SVIL: variants seen among roughly 807,000 people sequenced by gnomAD.
SVIL encodes archvillin.
In SVIL, 101 loss-of-function variants were observed where a neutral mutation model predicts 240.4. The ratio of observed to expected loss-of-function variants is 0.42; its 90% CI spans 0.36 to 0.50. The LOEUF is 0.50. Among genes scored for constraint, SVIL ranks in the 20% least tolerant of loss-of-function variants. SVIL has a pLI of 0.01. For missense variants in SVIL, 2,512 were observed against 2,818.7 expected, an observed-to-expected ratio of 0.89 and a Z score of 2.46; for synonymous variants, 999 against 1,100.0, an observed-to-expected ratio of 0.91 and a Z score of 1.82.
chr10:29,672,858 T>G (rs762043007), intron 2 of SVIL, among the ~76,000 whole-genome samples: 8 of 152,084 alleles, frequency 5.3e-5, no homozygotes, highest in African/African-American at 9.7e-5. Flanking sequence ...TTATTTATCT[T>G]TGTTTCTCCA....
intron 1 of SVIL, among the ~76,000 whole-genome samples, chr10:29,616,300 G>C (rs1296109877): frequency 1.3e-5 from 2 of 152,254 alleles, no homozygotes; most frequent in Non-Finnish European, 1.5e-5. Context: ...GCCTCCCAAA[G>C]TGTTAGGATC....
At chr10:29,710,783 A>G (rs1468914537) in intron 1 of SVIL, among the ~76,000 whole-genome samples, 1 of 152,228 alleles carries the variant, frequency 6.6e-6, no homozygotes, top group Non-Finnish European at 1.5e-5. Context: ...CGTAAGACTC[A>G]GAAAGTGAGC....
intron 36 of SVIL, 193 bp from the exon 37 acceptor site, chr10:29,458,782 T>A: frequency 2.4e-6 from 1 of 416,050 alleles, no homozygotes; most frequent in Non-Finnish European, 4.1e-6. Flanking sequence ...GGACTTTTAA[T>A]TTTTAAAATT....
intron 6 of SVIL, among the ~76,000 whole-genome samples, chr10:29,538,121 C>T (rs923533687): frequency 1.3e-5 from 2 of 152,168 alleles, no homozygotes; most frequent in Admixed American, 6.5e-5. Context: ...ACGAATCTGC[C>T]GCCTTCACAG....
intron 1 of SVIL, among the ~76,000 whole-genome samples, chr10:29,731,263 G>A: frequency 6.6e-6 from 1 of 152,164 alleles, no homozygotes; most frequent in East Asian, 1.9e-4. Context: ...AGGTTTCCCA[G>A]GCCTGTCACA....
At chr10:29,710,326 GGATTATAGGCGT>G (rs1375722606) in intron 1 of SVIL, among the ~76,000 whole-genome samples, 1 of 152,136 alleles carries the variant, frequency 6.6e-6, no homozygotes, top group Non-Finnish European at 1.5e-5. Flanking sequence ...CAAAGTGTCG[GGATTATAGGCGT>G]GAGCCACCAC....
rs565895379 is a variant in SVIL, at chr10:29,512,643, G to A, written c.3516+92C>T. 255 of 1,603,120 alleles carry A rather than the reference G, an allele frequency of 1.6e-4. No individual in the cohort carries two copies. The African/African-American group carries it at 2.3e-3, about 14-fold the overall frequency. On this transcript the variant is annotated intron_variant, in intron 17 of 37. Transcript: ENST00000355867. ...GGCAAAAATGCACAAATGCTTCACA[G>A]AGTAGGAATTAGGTGGCACACGCTT...
At chr10:29,481,771 A>G in intron 27 of SVIL, 43 bp from the exon 28 acceptor site, 3 of 1,595,440 alleles carry the variant, frequency 1.9e-6, no homozygotes, top group South Asian at 1.1e-5. Context: ...CAGGAAAAGA[A>G]CCAAGATGAA....
intron 3 of SVIL, among the ~76,000 whole-genome samples, chr10:29,643,168 C>G (rs1222731038): frequency 6.6e-6 from 1 of 152,222 alleles, no homozygotes; most frequent in Non-Finnish European, 1.5e-5. Flanking sequence ...CTGTCCATTT[C>G]TCACTCCTAT....
intron 27 of SVIL, among the ~76,000 whole-genome samples, chr10:29,481,990 T>C (rs1337220719): frequency 6.6e-6 from 1 of 151,548 alleles, no homozygotes; most frequent in Non-Finnish European, 1.5e-5. Context: ...GGACTAGACT[T>C]TTCTTACATT....
intron 1 of SVIL, among the ~76,000 whole-genome samples, chr10:29,733,705 C>T (rs1400900700): frequency 6.6e-6 from 1 of 152,208 alleles, no homozygotes; most frequent in Non-Finnish European, 1.5e-5. Context: ...CGAACCCAGC[C>T]ATTCTTCCCA....
chr10:29,462,035 AC>A (rs1944321048), intron 36 of SVIL, among the ~76,000 whole-genome samples: 1 of 152,194 alleles, frequency 6.6e-6, no homozygotes, highest in African/African-American at 2.4e-5. Context: ...GATTCAACTC[AC>A]CTTTGCTTTT....
intron 3 of SVIL, among the ~76,000 whole-genome samples, chr10:29,653,303 C>T (rs1359611107): frequency 2.0e-5 from 3 of 152,126 alleles, no homozygotes; most frequent in African/African-American, 7.2e-5. Flanking sequence ...TGTAGCACCT[C>T]CCCCTTCTCT....
chr10:29,687,200 C>A (rs1471850364), intron 1 of SVIL, among the ~76,000 whole-genome samples: 4 of 152,134 alleles, frequency 2.6e-5, no homozygotes, highest in Admixed American at 6.5e-5. Context: ...AAAGTCTATT[C>A]GATTCCGCAC....
At chr10:29,597,818 A>C (rs1437610150) in intron 1 of SVIL, among the ~76,000 whole-genome samples, 1 of 151,738 alleles carries the variant, frequency 6.6e-6, no homozygotes, top group Non-Finnish European at 1.5e-5. Flanking sequence ...GTTGCTGTGG[A>C]CCCTTACAGA....
chr10:29,526,036 T>G (rs1013814628), intron 13 of SVIL, among the ~76,000 whole-genome samples: 2 of 152,140 alleles, frequency 1.3e-5, no homozygotes, highest in African/African-American at 4.8e-5. Flanking sequence ...AACAGTAAAA[T>G]GAAGGGATAT....
chr10:29,649,576 T>C (rs984268939), intron 3 of SVIL, among the ~76,000 whole-genome samples: 2 of 152,090 alleles, frequency 1.3e-5, no homozygotes, highest in African/African-American at 4.8e-5. Flanking sequence ...CCATCTGTAT[T>C]CCATATAAGA....
chr10:29,623,696 A>C (rs947289572), intron 1 of SVIL, among the ~76,000 whole-genome samples: 3 of 152,212 alleles, frequency 2.0e-5, no homozygotes, highest in South Asian at 4.1e-4. Flanking sequence ...TAAAAATACA[A>C]AAAAAATTAG....
intron 3 of SVIL, among the ~76,000 whole-genome samples, chr10:29,649,168 A>C (rs986557710): frequency 6.6e-6 from 1 of 151,988 alleles, no homozygotes; most frequent in South Asian, 2.1e-4. Flanking sequence ...TAAATAAATA[A>C]ATAAAAGCAG....
Sources: allele counts gnomAD v4.1 joint callset (sites outside exome capture counted in the v4.1 genomes callset), GRCh38; gene constraint gnomAD v4.1.1; transcripts MANE v1.5; gene names NCBI Gene and HGNC (gene_info 2026-07-23, HGNC 2026-07-21).